MYBPC1: variants seen among roughly 807,000 people sequenced by gnomAD.
MYBPC1 encodes the protein myosin-binding protein C, slow-type.
In MYBPC1, 52 loss-of-function variants were observed where a neutral mutation model predicts 147.1. The observed-to-expected ratio is 0.35, with a 90% CI of 0.28 to 0.45. The LOEUF (loss-of-function observed/expected upper bound fraction) is 0.45. Among genes scored for constraint, MYBPC1 ranks in the 20% least tolerant of loss-of-function variants. The probability of loss-of-function intolerance (pLI) is 1.00; values close to 1 mark genes in which losing one functional copy is unlikely to be tolerated. For synonymous variants in MYBPC1, 477 were observed against 475.9 expected, an observed-to-expected ratio of 1.00 and a Z score of -0.03; for missense variants, 1,228 against 1,440.3, an observed-to-expected ratio of 0.85 and a Z score of 2.39.
chr12:101,625,531 A>T (rs1489905820), intron 3 of MYBPC1, among the ~76,000 whole-genome samples: 1 of 152,258 alleles, frequency 6.6e-6, no homozygotes, highest in Non-Finnish European at 1.5e-5. Context: ...TCACACCAGC[A>T]TCATCTGTTA....
At chr12:101,619,974 A>G (rs1887007444) in intron 3 of MYBPC1, among the ~76,000 whole-genome samples, 1 of 152,194 alleles carries the variant, frequency 6.6e-6, no homozygotes, top group South Asian at 2.1e-4. Flanking sequence ...TAGATTTGCC[A>G]ACTTTTTCAT....
chr12:101,629,566 C>A, intron 6 of MYBPC1, 22 bp downstream of exon 6: 1 of 1,556,566 alleles, frequency 6.4e-7, no homozygotes, highest in South Asian at 1.1e-5. Context: ...GCATTCAATC[C>A]TTCCTTTTTT....
At chr12:101,618,657 A>G (rs1220827798) in intron 3 of MYBPC1, among the ~76,000 whole-genome samples, 1 of 152,212 alleles carries the variant, frequency 6.6e-6, no homozygotes, top group Non-Finnish European at 1.5e-5. Flanking sequence ...TTATACTTGT[A>G]TGCTTAAATG....
intron 1 of MYBPC1, chr12:101,600,220 G>A (rs554704396): frequency 6.6e-6 from 1 of 152,234 alleles, no homozygotes; most frequent in Non-Finnish European, 1.5e-5. Context: ...AATCCAGGAG[G>A]GTGGAAAACA....
intron 8 of MYBPC1, among the ~76,000 whole-genome samples, chr12:101,633,611 G>A (rs570831300): frequency 1.3e-5 from 2 of 151,666 alleles, no homozygotes; most frequent in East Asian, 2.0e-4. Flanking sequence ...CGCTTGAACC[G>A]GGGAGGCGGA....
chr12:101,668,012 TTTG>T lies in MYBPC1; in HGVS notation c.2524+116_2524+118del, dbSNP rs1280351965. 7 of 1,122,014 alleles carry T rather than the reference TTTG, an allele frequency of 6.2e-6. No homozygotes were observed. The Admixed American group carries it at 1.8e-4, about 30-fold the overall frequency. The allele number at this position is 1,122,014 out of a possible 1,614,324, so 69.5% of individuals were successfully genotyped here. ...TATTTTGTTGTTACTCCTTTGATAT[TTTG>T]TTAATGCTTTAATGCTTCCTAAGAG... On this transcript the variant is annotated intron_variant, in intron 23 of 31. Transcript: ENST00000361466.
intron 1 of MYBPC1, 37 bp downstream of exon 1, chr12:101,595,132 G>A (rs1593539638): frequency 6.4e-7 from 1 of 1,559,936 alleles, no homozygotes; most frequent in South Asian, 1.1e-5. Flanking sequence ...TTGTACTCCT[G>A]AATAAAGTGT....
the MYBPC1 span, among the ~76,000 whole-genome samples, chr12:101,692,174 G>A: frequency 1.3e-5 from 2 of 152,196 alleles, no homozygotes; most frequent in Admixed American, 1.3e-4. Flanking sequence ...AGGGAGGTAA[G>A]ACTAGGAAGG....
chr12:101,692,883 A>T, the MYBPC1 span, among the ~76,000 whole-genome samples: 1 of 152,174 alleles, frequency 6.6e-6, no homozygotes, highest in South Asian at 2.1e-4. Flanking sequence ...AAAGAAGCAC[A>T]TGGGAAAATC....
chr12:101,632,459 T>C lies in MYBPC1; in HGVS notation c.556+321T>C, dbSNP rs184889034. Among the ~76,000 whole-genome samples the C allele has an allele frequency of 1.2e-3, 187 of 152,256 alleles. 1 individual carries two copies. Among genetic ancestry groups the C allele is most frequent in the Admixed American group, 2.4e-3 (36 of 15,292 alleles). On this transcript the variant is annotated intron_variant, in intron 8 of 31. Transcript: ENST00000361466. ...AAGGGGTCCACTTTCCCACTTAGGT[T>C]TGGGGATAGGGTAATATGCTATGAG...
At position 101,658,699 on chromosome 12, in the gene MYBPC1, C is replaced by T. The variant is rs1267439806; in HGVS notation, c.1768-973C>T. Among the ~76,000 whole-genome samples, 13 of 152,146 alleles carry T rather than the reference C, an allele frequency of 8.5e-5. No individual in the cohort carries two copies. In the East Asian group the frequency reaches 2.3e-3, roughly 27 times the overall value. On this transcript the variant is annotated intron_variant, in intron 18 of 31. Coordinates refer to ENST00000361466, the MANE Select transcript of MYBPC1 (RefSeq NM_002465.4). Reference sequence around the variant, plus strand: ...GAGAAAAATAAAAAATAAATAAAAACAAAAGAGAACATCTATTAAAATCTT... The same window carrying T: ...GAGAAAAATAAAAAATAAATAAAAATAAAAGAGAACATCTATTAAAATCTT...
chr12:101,612,665 C>G (rs766469539), intron 1 of MYBPC1, among the ~76,000 whole-genome samples: 13 of 152,310 alleles, frequency 8.5e-5, no homozygotes, highest in Middle Eastern at 6.8e-3. Context: ...TGTCTGTAGA[C>G]AGAGCCAGGA....
At chr12:101,625,090 C>T (rs1888288088) in intron 3 of MYBPC1, among the ~76,000 whole-genome samples, 1 of 151,834 alleles carries the variant, frequency 6.6e-6, no homozygotes, top group African/African-American at 2.4e-5. Flanking sequence ...AAAATCGGGG[C>T]TGTTAAGTCT....
In MYBPC1 at chr12:101,642,446, C is replaced by G; in HGVS notation, c.693C>G (p.Pro231=). 1 of 1,614,070 alleles carries G rather than the reference C, an allele frequency of 6.2e-7. No individual in the cohort carries two copies. Among genetic ancestry groups the G allele is most frequent in the Non-Finnish European group, 8.5e-7 (1 of 1,180,024 alleles). ...AGGTGAAGCAGCAGGAGGAAGAACC[C>G]CAGGTGGACGTATGGGAGTTGCTGA... ...RREVKQQEEE[P]QVDVWELLKN... The change falls in exon 11 of 32, where the codon CCC becomes CCG. Residue 231 remains proline, a synonymous_variant. Coordinates refer to ENST00000361466, the MANE Select transcript of MYBPC1 (RefSeq NM_002465.4).
In MYBPC1 at chr12:101,685,811, G is replaced by T. The variant is rs202119438; in HGVS notation, c.*249G>T. ...TTTTCTTTCCTCCTAATGTTGAAGA[G>T]AAAAAAAAAAAAAAAAGTTTGCCCA... On this transcript the variant is annotated 3_prime_UTR_variant, in exon 32 of 32. Coordinates refer to ENST00000361466, the MANE Select transcript of MYBPC1 (RefSeq NM_002465.4). The T allele has an allele frequency of 1.8e-4, 64 of 358,386 alleles. No homozygotes were observed. Among genetic ancestry groups the T allele is most frequent in the East Asian group, 2.3e-4 (4 of 17,160 alleles). The allele number at this position is 358,386 out of a possible 1,614,324, so 22.2% of individuals were successfully genotyped here. A position where few individuals can be genotyped will look rare whatever the true frequency, so the allele number is the denominator to read the frequency against.
intron 11 of MYBPC1, among the ~76,000 whole-genome samples, chr12:101,643,994 A>G (rs1162957229): frequency 6.6e-6 from 1 of 152,186 alleles, no homozygotes; most frequent in East Asian, 1.9e-4. Flanking sequence ...GGCCAATGAC[A>G]CTAACAGTAA....
At chr12:101,673,696 A>G (rs1161092600) in intron 25 of MYBPC1, 74 bp downstream of exon 25, 4 of 1,519,988 alleles carry the variant, frequency 2.6e-6, no homozygotes, top group Non-Finnish European at 3.7e-6. Flanking sequence ...CCCTAAGGCA[A>G]GAGCAGGAGT....
At chr12:101,597,972 A>C (rs7297322) in intron 1 of MYBPC1, among the ~76,000 whole-genome samples, 17,713 of 151,554 alleles carry the variant, frequency 0.12, 2,245 homozygotes, top group African/African-American at 0.31. Context: ...AAGTGCCCGA[A>C]AGTTAATTGC....
intron 10 of MYBPC1, chr12:101,637,252 T>C (rs1383934026): frequency 1.3e-5 from 2 of 153,476 alleles, no homozygotes; most frequent in Non-Finnish European, 2.9e-5. Context: ...ATTTCAGAGG[T>C]CTTTAAAATG....
Sources: gnomAD v4.1 joint callset for allele counts (sites outside exome capture counted in the v4.1 genomes callset) on GRCh38, gnomAD v4.1.1 for gene constraint, MANE v1.5 for transcripts, NCBI Gene and HGNC (gene_info 2026-07-23, HGNC 2026-07-21) for gene names.